ASB18: variants seen among roughly 807,000 people sequenced by gnomAD.
ASB18 encodes the protein ankyrin repeat and SOCS box containing 18.
In ASB18, 33 loss-of-function variants were observed where a neutral mutation model predicts 33.4. The observed-to-expected ratio is 0.99, with a 90% CI of 0.75 to 1.32. ASB18 has a LOEUF of 1.32. ASB18 is among the 40% of genes most tolerant of loss of function. ASB18 has a pLI of 0.00. For missense variants in ASB18, 694 were observed against 655.5 expected (o/e 1.06, Z -0.64); for synonymous variants, 295 against 307.6 (o/e 0.96, Z 0.43).
intron 1 of ASB18, among the ~76,000 whole-genome samples, chr2:236,246,287 C>T (rs1437559390): frequency 7.9e-6 from 1 of 126,512 alleles, no homozygotes; most frequent in East Asian, 2.6e-4. Flanking sequence ...ACCTGGGAGG[C>T]AGTGGGCTGA....
rs1345316809 is a variant in ASB18 at position 236,231,690 on chromosome 2, G to A, written c.596+5999C>T. ...TGGCCTCAAGCAATCCTCCAACCTTGGCCTCCCAAAGTGCTGGGATTACTG... is the reference window on the plus strand; with the variant it reads ...TGGCCTCAAGCAATCCTCCAACCTTAGCCTCCCAAAGTGCTGGGATTACTG... On this transcript the variant is annotated intron_variant, in intron 3 of 5. Coordinates refer to ENST00000409749, the MANE Select transcript of ASB18 (RefSeq NM_212556.4). The surrounding 1 kb of genome is among the most constrained non-coding windows in gnomAD (Gnocchi z 5.5). 2.0e-5 allele frequency among the ~76,000 whole-genome samples: 3 copies of A among 152,154 alleles called. No individual in the cohort carries two copies. The highest frequency in any genetic ancestry group is 2.0e-4 in the Admixed American group (3 of 15,270).
rs1422523924 is a variant in ASB18, at chr2:236,216,260, A to G, written c.597-1394T>C. Among the ~76,000 whole-genome samples, 1 of 150,894 alleles carries G rather than the reference A, an allele frequency of 6.6e-6. No individual in the cohort carries two copies. Among genetic ancestry groups the G allele is most frequent in the African/African-American group, 2.4e-5 (1 of 40,912 alleles). On this transcript the variant is annotated intron_variant, in intron 3 of 5. Coordinates refer to ENST00000409749, the MANE Select transcript of ASB18 (RefSeq NM_212556.4). This position sits in a 1 kb window ranked among gnomAD's most constrained non-coding sequence, Gnocchi z 6.1. Reference sequence around the variant, plus strand: ...CCTCATGCCTTGCTCTCCACTAACCACTCCTAATGTTGACCTTGGTCCTCA... The same window carrying G: ...CCTCATGCCTTGCTCTCCACTAACCGCTCCTAATGTTGACCTTGGTCCTCA...
intron 1 of ASB18, among the ~76,000 whole-genome samples, chr2:236,242,425 C>T (rs192046344): frequency 2.0e-5 from 3 of 151,912 alleles, no homozygotes; most frequent in Middle Eastern, 3.4e-3. Context: ...CACTAGTTGG[C>T]GATCTCCACT....
Position 236,205,555 on chromosome 2 carries a change from T to C in ASB18, c.1101+8807A>G, listed in dbSNP as rs1199375347. Reference sequence around the variant, plus strand: ...AATATTTAATGCCTGTCTTCCCCATTAGAATGTAAGCTCCACATAGGCAGG... The same window carrying C: ...AATATTTAATGCCTGTCTTCCCCATCAGAATGTAAGCTCCACATAGGCAGG... On this transcript the variant is annotated intron_variant, in intron 4 of 5. Transcript: ENST00000409749. This position sits in a 1 kb window ranked among gnomAD's most constrained non-coding sequence, Gnocchi z 5.4. Among the ~76,000 whole-genome samples, 4 of 152,218 alleles carry C rather than the reference T, an allele frequency of 2.6e-5. No individual in the cohort carries two copies. The highest frequency in any genetic ancestry group is 6.5e-5 in the Admixed American group (1 of 15,276).
At chr2:236,236,963 G>C (rs6731967) in intron 3 of ASB18, among the ~76,000 whole-genome samples, 46,424 of 152,036 alleles carry the variant, frequency 0.31, 7,842 homozygotes, top group African/African-American at 0.46. Context: ...TGCAAAGACA[G>C]GTGGCCCCGC....
intron 3 of ASB18, among the ~76,000 whole-genome samples, chr2:236,218,797 CAAAAAAAA>C (rs574423455): frequency 2.2e-5 from 2 of 91,590 alleles, no homozygotes; most frequent in Admixed American, 2.5e-4. Context: ...GACTCCATCT[CAAAAAAAA>C]AAAAAAAAAA....
At position 236,200,949 on chromosome 2, in the gene ASB18, G is replaced by A. The variant is rs187630307; in HGVS notation, c.1102-4564C>T. The stretch of plus-strand genomic sequence containing the variant: ...TAACTCCTTTCTCCTATCTCCTTAG[G>A]TATGTTTTGTTTGTCTTTCATGCTC... On this transcript the variant is annotated intron_variant, in intron 4 of 5. Coordinates refer to ENST00000409749, the MANE Select transcript of ASB18 (RefSeq NM_212556.4). This position sits in a 1 kb window ranked among gnomAD's most constrained non-coding sequence, Gnocchi z 4.2. Among the ~76,000 whole-genome samples the A allele has an allele frequency of 5.3e-5, 8 of 151,982 alleles. No homozygotes were observed. Among genetic ancestry groups the A allele is most frequent in the Admixed American group, 3.3e-4 (5 of 15,252 alleles).
rs1351528102 is a variant in ASB18, at chr2:236,221,872, TTCC to T, written c.597-7009_597-7007del. 1.3e-5 allele frequency among the ~76,000 whole-genome samples: 2 copies of T among 152,160 alleles called. No homozygotes were observed. The highest frequency in any genetic ancestry group is 4.8e-5 in the African/African-American group (2 of 41,438). ...TGTTGAATTACTGTTACTGCTGCTT[TTCC>T]TCCTCAGAGATGACACGGAGGCAGA... On this transcript the variant is annotated intron_variant, in intron 3 of 5. Coordinates refer to ENST00000409749, the MANE Select transcript of ASB18 (RefSeq NM_212556.4). The surrounding 1 kb of genome is among the most constrained non-coding windows in gnomAD (Gnocchi z 5.6).
chr2:236,231,260 TAGAG>T lies in ASB18; in HGVS notation c.596+6425_596+6428del, dbSNP rs2060563476. Among the ~76,000 whole-genome samples, 1 of 152,230 alleles carries T rather than the reference TAGAG, an allele frequency of 6.6e-6. No homozygotes were observed. The highest frequency in any genetic ancestry group is 2.1e-4 in the South Asian group (1 of 4,830). Reference sequence around the variant, plus strand: ...TACTTTGATGAAACAAGTTTCATGTTAGAGAGGTCCACATGACAAGTGCTATGGT... The same window carrying T: ...TACTTTGATGAAACAAGTTTCATGTTAGGTCCACATGACAAGTGCTATGGT... On this transcript the variant is annotated intron_variant, in intron 3 of 5. Coordinates refer to ENST00000409749, the MANE Select transcript of ASB18 (RefSeq NM_212556.4). This position sits in a 1 kb window ranked among gnomAD's most constrained non-coding sequence, Gnocchi z 5.5.
In ASB18 at chr2:236,262,524, A is replaced by G. The variant is rs2060724113; in HGVS notation, c.205+1617T>C. On this transcript the variant is annotated intron_variant, in intron 1 of 5. Coordinates refer to ENST00000409749, the MANE Select transcript of ASB18 (RefSeq NM_212556.4). The surrounding 1 kb of genome is among the most constrained non-coding windows in gnomAD (Gnocchi z 5.2). ...CTTGCCCTACCCTCACTTTCCTCCA[A>G]CTCCTATCATTAGTGGCACCCAACA... Among the ~76,000 whole-genome samples, 1 of 152,096 alleles carries G rather than the reference A, an allele frequency of 6.6e-6. No individual in the cohort carries two copies. Among genetic ancestry groups the G allele is most frequent in the Admixed American group, 6.5e-5 (1 of 15,272 alleles).
rs938197912 is a variant in ASB18 at position 236,217,232 on chromosome 2, A to T, written c.597-2366T>A. 2.6e-5 allele frequency among the ~76,000 whole-genome samples: 4 copies of T among 152,028 alleles called. No individual in the cohort carries two copies. The highest frequency in any genetic ancestry group is 7.2e-5 in the African/African-American group (3 of 41,408). On this transcript the variant is annotated intron_variant, in intron 3 of 5. Coordinates refer to ENST00000409749, the MANE Select transcript of ASB18 (RefSeq NM_212556.4). The surrounding 1 kb of genome is among the most constrained non-coding windows in gnomAD (Gnocchi z 5.2). ...AGAACAGCCTGGCCAACATGGTGAA[A>T]ACCCATCTCTACTAAAAATATAAAA... is the stretch of plus-strand genomic sequence containing the variant.
In ASB18 at chr2:236,214,635, G is replaced by A; in HGVS notation, c.828C>T (p.Cys276=). 8.5e-7 allele frequency: 1 copy of A among 1,180,898 alleles called. No homozygotes were observed. Among genetic ancestry groups the A allele is most frequent in the Non-Finnish European group, 1.0e-6 (1 of 957,170 alleles). 73.2% of individuals were successfully genotyped at this position (1,180,898 alleles called of 1,614,324 possible). ...CCGCCCCGCGCCGCAGCAGCAGCGC[G>A]CACAGGCGCAGGCAGCGCCCGTGCT... ...PDEHGRCLRL[C]ALLLRRGAEA... Residue 276 remains cysteine (C), a synonymous_variant, in exon 4 of 6, where the codon TGC becomes TGT. Coordinates refer to ENST00000409749, the MANE Select transcript of ASB18 (RefSeq NM_212556.4). The surrounding 1 kb of genome is among the most constrained non-coding windows in gnomAD (Gnocchi z 6.5).
At position 236,221,922 on chromosome 2, in the gene ASB18, G is replaced by A. The variant is rs1366044792; in HGVS notation, c.597-7056C>T. On this transcript the variant is annotated intron_variant, in intron 3 of 5. Transcript: ENST00000409749. The surrounding 1 kb of genome is among the most constrained non-coding windows in gnomAD (Gnocchi z 5.6). ...CAGATGGGCTAGAGACATGTCCCAG[G>A]GGAAGGGTGGCTGCAGCTGAAGGCT... Among the ~76,000 whole-genome samples, 2 of 152,208 alleles carry A rather than the reference G, an allele frequency of 1.3e-5. No homozygotes were observed. Among genetic ancestry groups the A allele is most frequent in the Non-Finnish European group, 2.9e-5 (2 of 68,048 alleles).
Position 236,255,102 on chromosome 2 carries a change from C to G in ASB18, c.205+9039G>C, listed in dbSNP as rs779107735. Among the ~76,000 whole-genome samples the G allele has an allele frequency of 1.3e-5, 2 of 152,158 alleles. No individual in the cohort carries two copies. The highest frequency in any genetic ancestry group is 2.4e-5 in the African/African-American group (1 of 41,434). On this transcript the variant is annotated intron_variant, in intron 1 of 5. Transcript: ENST00000409749. This position sits in a 1 kb window ranked among gnomAD's most constrained non-coding sequence, Gnocchi z 4.4. ...GCCGCTACGCTTCCTGTACAGCCTG[C>G]AGAACCGTGAGCCAATTAAACCTCT... is the stretch of plus-strand genomic sequence containing the variant.
At position 236,226,336 on chromosome 2, in the gene ASB18, A is replaced by G. The variant is rs1196646895; in HGVS notation, c.596+11353T>C. ...ATCACTTATCTTAAACTTTCCCCCAATAATCTGGATTTAAATAAGTCAAGA... is the reference window on the plus strand; with the variant it reads ...ATCACTTATCTTAAACTTTCCCCCAGTAATCTGGATTTAAATAAGTCAAGA... On this transcript the variant is annotated intron_variant, in intron 3 of 5. Coordinates refer to ENST00000409749, the MANE Select transcript of ASB18 (RefSeq NM_212556.4). The surrounding 1 kb of genome is among the most constrained non-coding windows in gnomAD (Gnocchi z 4.8). Among the ~76,000 whole-genome samples, 1 of 152,186 alleles carries G rather than the reference A, an allele frequency of 6.6e-6. No individual in the cohort carries two copies.
chr2:236,258,234 G>A (rs2060701620), intron 1 of ASB18, among the ~76,000 whole-genome samples: 2 of 152,316 alleles, frequency 1.3e-5, no homozygotes, highest in Admixed American at 6.5e-5. Flanking sequence ...GGAAGGCAGT[G>A]TGGGTCGGGA....
In ASB18 at chr2:236,211,953, C is replaced by T. The variant is rs2060460529; in HGVS notation, c.1101+2409G>A. Among the ~76,000 whole-genome samples the T allele has an allele frequency of 6.6e-6, 1 of 152,198 alleles. No homozygotes were observed. The highest frequency in any genetic ancestry group is 2.1e-4 in the South Asian group (1 of 4,832). On this transcript the variant is annotated intron_variant, in intron 4 of 5. Transcript: ENST00000409749. This position sits in a 1 kb window ranked among gnomAD's most constrained non-coding sequence, Gnocchi z 5.0. ...CAAAGATTTAATGCAGGCCATGAGC[C>T]TGCAGTGGCTGGAATCCCTTTCATT...
intron 1 of ASB18, among the ~76,000 whole-genome samples, chr2:236,261,150 A>G (rs890182076): frequency 6.6e-6 from 1 of 152,100 alleles, no homozygotes; most frequent in African/African-American, 2.4e-5. Flanking sequence ...ATGCTTAGAG[A>G]TGATCCACAC....
rs1221214759 is a variant in ASB18 at position 236,204,438 on chromosome 2, T to G, written c.1102-8053A>C. Among the ~76,000 whole-genome samples the G allele has an allele frequency of 1.3e-5, 2 of 152,248 alleles. No individual in the cohort carries two copies. The highest frequency in any genetic ancestry group is 4.8e-5 in the African/African-American group (2 of 41,466). ...CGTCCTTCAGATGTTCGACCATCCC[T>G]GCATTCAGGCCTGTTCCTCTTTTCC... On this transcript the variant is annotated intron_variant, in intron 4 of 5. Transcript: ENST00000409749. This position sits in a 1 kb window ranked among gnomAD's most constrained non-coding sequence, Gnocchi z 5.1.
Sources: gnomAD v4.1 joint callset for allele counts (sites outside exome capture counted in the v4.1 genomes callset) on GRCh38, gnomAD v4.1.1 for gene constraint, Gnocchi (gnomAD v3.1) non-coding constraint, MANE v1.5 for transcripts, NCBI Gene and HGNC (gene_info 2026-07-23, HGNC 2026-07-21) for gene names.